The following SUGCT variants were observed in gnomAD, a reference collection of about 807,000 sequenced individuals.
SUGCT encodes the protein succinyl-CoA:glutarate CoA-transferase.
Under a neutral mutation model 55.0 loss-of-function variants are expected in SUGCT, and 41 were observed. The observed-to-expected ratio is 0.74, with a 90% confidence interval of 0.58 to 0.97. The LOEUF (loss-of-function observed/expected upper bound fraction) is 0.97, where lower values mean the gene tolerates loss of function less well. Among genes scored for constraint, SUGCT ranks in the 50% least tolerant of loss-of-function variants. SUGCT has a pLI of 0.00. For missense variants in SUGCT, 568 were observed against 547.8 expected (o/e 1.04, Z -0.37); for synonymous variants, 187 against 200.4 (o/e 0.93, Z 0.56).
At chr7:40,187,271 A>G (rs1221273468) in intron 3 of SUGCT, among the ~76,000 whole-genome samples, 2 of 152,068 alleles carry the variant, frequency 1.3e-5, no homozygotes, top group Non-Finnish European at 2.9e-5. Flanking sequence ...AATATCACAC[A>G]CCGGGGCCTG....
At chr7:41,033,475 C>A in the SUGCT span, among the ~76,000 whole-genome samples, 1 of 152,156 alleles carries the variant, frequency 6.6e-6, no homozygotes, top group African/African-American at 2.4e-5. Context: ...AACATGTTAA[C>A]TCATCCCCAG....
At chr7:40,714,976 T>TA (rs1785941675) in intron 12 of SUGCT, among the ~76,000 whole-genome samples, 1 of 152,192 alleles carries the variant, frequency 6.6e-6, no homozygotes, top group South Asian at 2.1e-4. Context: ...TTCTATCATG[T>TA]TCCTAAAACT....
At chr7:40,737,428 T>C (rs1437929062) in intron 12 of SUGCT, among the ~76,000 whole-genome samples, 1 of 152,254 alleles carries the variant, frequency 6.6e-6, no homozygotes, top group African/African-American at 2.4e-5. Flanking sequence ...AGATTTTTTT[T>C]CTTTTATTAT....
the SUGCT span, among the ~76,000 whole-genome samples, chr7:40,950,569 T>C: frequency 6.6e-6 from 1 of 152,154 alleles, no homozygotes; most frequent in African/African-American, 2.4e-5. Context: ...TTTTCGCCCA[T>C]TCAGTATGAC....
At chr7:40,149,229 T>G (rs1788423390) in intron 1 of SUGCT, among the ~76,000 whole-genome samples, 1 of 152,190 alleles carries the variant, frequency 6.6e-6, no homozygotes, top group Admixed American at 6.5e-5. Flanking sequence ...TTTTTATACA[T>G]GTAGCTAGGG....
the SUGCT span, among the ~76,000 whole-genome samples, chr7:40,895,096 G>A: frequency 6.6e-6 from 1 of 152,080 alleles, no homozygotes; most frequent in African/African-American, 2.4e-5. Flanking sequence ...TGAAGAAAAT[G>A]TACATATTCA....
chr7:40,359,285 A>G (rs1227170011), intron 9 of SUGCT, among the ~76,000 whole-genome samples: 1 of 152,036 alleles, frequency 6.6e-6, no homozygotes, highest in Non-Finnish European at 1.5e-5. Context: ...GCTCACTGCA[A>G]CCTCTGCCTC....
At chr7:40,835,758 T>G (rs927420208) in intron 13 of SUGCT, among the ~76,000 whole-genome samples, 4 of 152,220 alleles carry the variant, frequency 2.6e-5, no homozygotes, top group African/African-American at 9.6e-5. Context: ...AACCCATTAT[T>G]AAGTCCTCTG....
chr7:40,405,205 G>T (rs1265121416), intron 9 of SUGCT, among the ~76,000 whole-genome samples: 1 of 152,160 alleles, frequency 6.6e-6, no homozygotes, highest in Non-Finnish European at 1.5e-5. Context: ...TATACTCATG[G>T]CTGGAAGAAG....
At chr7:40,250,837 T>C (rs1264707850) in intron 7 of SUGCT, among the ~76,000 whole-genome samples, 5 of 115,196 alleles carry the variant, frequency 4.3e-5, no homozygotes, top group Non-Finnish European at 1.1e-4. Context: ...TCTTTTTTTT[T>C]TTTTTTTTTT....
At chr7:41,004,258 T>C in the SUGCT span, among the ~76,000 whole-genome samples, 1 of 152,216 alleles carries the variant, frequency 6.6e-6, no homozygotes, top group Non-Finnish European at 1.5e-5. Context: ...TCAACTTCTT[T>C]CAGGCCCTGA....
the SUGCT span, among the ~76,000 whole-genome samples, chr7:40,963,082 C>T: frequency 1.3e-5 from 2 of 152,176 alleles, no homozygotes; most frequent in South Asian, 4.1e-4. Context: ...CAGCCCTGTA[C>T]TTTCACATGT....
intron 1 of SUGCT, among the ~76,000 whole-genome samples, chr7:40,147,824 T>A (rs1322104645): frequency 6.6e-6 from 1 of 152,192 alleles, no homozygotes. Context: ...CCCCCCAAAT[T>A]GTTATAAAGT....
the SUGCT span, among the ~76,000 whole-genome samples, chr7:40,910,406 T>C: frequency 6.6e-6 from 1 of 152,280 alleles, no homozygotes; most frequent in Non-Finnish European, 1.5e-5. Context: ...AGTTAACTTA[T>C]CATGTGCTGG....
At chr7:40,476,862 A>G (rs900686384) in intron 11 of SUGCT, among the ~76,000 whole-genome samples, 3 of 151,940 alleles carry the variant, frequency 2.0e-5, no homozygotes, top group Admixed American at 6.6e-5. Context: ...CAATGGCACA[A>G]TCTTGCCTAC....
At chr7:40,217,251 C>A (rs917986090) in intron 6 of SUGCT, 9 of 248,498 alleles carry the variant, frequency 3.6e-5, no homozygotes, top group African/African-American at 2.1e-4. Flanking sequence ...ACTCTGTCAC[C>A]CAGGCTGGAG....
At chr7:40,293,649 A>G (rs1402558031) in intron 8 of SUGCT, among the ~76,000 whole-genome samples, 1 of 152,168 alleles carries the variant, frequency 6.6e-6, no homozygotes, top group East Asian at 1.9e-4. Context: ...ACCCCAGATA[A>G]CTCTGATGCA....
At chr7:40,622,512 CAT>C (rs1799310746) in intron 12 of SUGCT, among the ~76,000 whole-genome samples, 1 of 141,448 alleles carries the variant, frequency 7.1e-6, no homozygotes, top group African/African-American at 2.7e-5. Context: ...TAACTGCCCT[CAT>C]GTTTGTTGTG....
At chr7:40,738,904 A>T (rs984184792) in intron 12 of SUGCT, among the ~76,000 whole-genome samples, 4 of 152,210 alleles carry the variant, frequency 2.6e-5, no homozygotes, top group Admixed American at 2.0e-4. Flanking sequence ...ATTTCCTTTA[A>T]AATTAGGAAC....
Sources: allele counts gnomAD v4.1 joint callset (sites outside exome capture counted in the v4.1 genomes callset), GRCh38; gene constraint gnomAD v4.1.1; transcripts MANE v1.5; gene names NCBI Gene and HGNC (gene_info 2026-07-23, HGNC 2026-07-21).